The following IGSF5 variants were observed in gnomAD, a reference collection of about 807,000 sequenced individuals.
The protein encoded by IGSF5 is immunoglobulin superfamily 5 like.
IGSF5 carries 41 observed loss-of-function variants against 39.4 expected under a neutral mutation model. That is an observed-to-expected ratio of 1.04 (90% CI 0.81 to 1.35). The LOEUF is 1.35. IGSF5 is among the 40% of genes most tolerant of loss of function. The pLI, the probability that IGSF5 is intolerant of heterozygous loss-of-function variation, is 0.00. For missense variants in IGSF5, 487 were observed against 494.6 expected (o/e 0.98, Z 0.15); for synonymous variants, 183 against 175.3 (o/e 1.04, Z -0.34).
chr21:39,765,566 C>A lies in IGSF5; in HGVS notation c.132C>A (p.Gly44=), dbSNP rs1191159054. 1.2e-6 allele frequency: 2 copies of A among 1,613,890 alleles called. No homozygotes were observed. The highest frequency in any genetic ancestry group is 4.5e-5 in the East Asian group (2 of 44,864). The change falls in exon 3 of 9, where the codon GGC becomes GGA. Residue 44 remains glycine, a synonymous_variant. Transcript: ENST00000380588. ...GSGSGNEVIE[G]PQNARVLKGS... The stretch of plus-strand genomic sequence containing the variant: ...GGTCTGGTAATGAAGTCATAGAAGG[C>A]CCCCAAAATGCAAGAGTCCTGAAGG...
chr21:39,745,056 CTT>C (rs112817124), upstream of IGSF5, among the ~76,000 whole-genome samples: 18,327 of 149,440 alleles, frequency 0.12, 1,156 homozygotes, highest in Middle Eastern at 0.19. Context: ...ATAGGGCACA[CTT>C]TTTTTTTTTT....
chr21:39,744,180 G>A (rs541082872), upstream of IGSF5, among the ~76,000 whole-genome samples: 2 of 152,250 alleles, frequency 1.3e-5, no homozygotes, highest in South Asian at 2.1e-4. Context: ...AAAGAAAGGG[G>A]TCCGGGCTGC....
At position 39,802,010 on chromosome 21, in the gene IGSF5, C is replaced by T. The variant is rs1020211612; in HGVS notation, c.*653C>T. 2.0e-5 allele frequency: 3 copies of T among 152,160 alleles called. No individual in the cohort carries two copies. Among genetic ancestry groups the T allele is most frequent in the African/African-American group, 4.8e-5 (2 of 41,420 alleles). The allele number at this position is 152,160 out of a possible 1,614,324, so 9.4% of individuals were successfully genotyped here. On this transcript the variant is annotated 3_prime_UTR_variant, in exon 9 of 9. Transcript: ENST00000380588. ...ATGCTTTGCAGAGGATGGACCTCAC[C>T]TACTCCGCACACCGTGAAAAAACTG...
chr21:39,717,336 C>A, the IGSF5 span, among the ~76,000 whole-genome samples: 1 of 152,102 alleles, frequency 6.6e-6, no homozygotes, highest in Non-Finnish European at 1.5e-5. Context: ...TGCAGAAGGT[C>A]TTAAGTTTAA....
At chr21:39,796,984 C>G (rs751479183) in intron 8 of IGSF5, among the ~76,000 whole-genome samples, 4 of 152,208 alleles carry the variant, frequency 2.6e-5, no homozygotes, top group Non-Finnish European at 5.9e-5. Context: ...CACTCGCTCT[C>G]TGCTCATGCT....
At chr21:39,751,311 G>C (rs1243847910) in intron 2 of IGSF5, 1 of 152,216 alleles carries the variant, frequency 6.6e-6, no homozygotes, top group Non-Finnish European at 1.5e-5. Flanking sequence ...GCCCTCCAAA[G>C]GGTTTACCTG....
chr21:39,713,941 A>G, the IGSF5 span, among the ~76,000 whole-genome samples: 5 of 152,226 alleles, frequency 3.3e-5, no homozygotes, highest in African/African-American at 1.2e-4. Flanking sequence ...ATGTGTCCAC[A>G]TAGTGGACCA....
At chr21:39,761,290 C>G (rs1400345649) in intron 2 of IGSF5, among the ~76,000 whole-genome samples, 1 of 152,210 alleles carries the variant, frequency 6.6e-6, no homozygotes, top group Non-Finnish European at 1.5e-5. Context: ...AAACTTCAAA[C>G]TATGAAAATC....
chr21:39,746,833 C>A (rs2079977761), intron 2 of IGSF5, among the ~76,000 whole-genome samples: 1 of 152,198 alleles, frequency 6.6e-6, no homozygotes, highest in Non-Finnish European at 1.5e-5. Context: ...CCTACTATTA[C>A]AATTTCTAAC....
chr21:39,741,345 A>T (rs2079948090), upstream of IGSF5, among the ~76,000 whole-genome samples: 1 of 152,150 alleles, frequency 6.6e-6, no homozygotes, highest in South Asian at 2.1e-4. Context: ...GAACCCTCTT[A>T]GTTGCTTTAG....
At chr21:39,797,045 G>A (rs1482874515) in intron 8 of IGSF5, among the ~76,000 whole-genome samples, 1 of 152,168 alleles carries the variant, frequency 6.6e-6, no homozygotes, top group East Asian at 1.9e-4. Context: ...GCAATTTCAG[G>A]AGGACTTAAC....
the IGSF5 span, chr21:39,730,323 T>G: frequency 6.6e-6 from 1 of 152,162 alleles, no homozygotes; most frequent in African/African-American, 2.4e-5. Flanking sequence ...TTAGTCACAT[T>G]GGATTGGATT....
chr21:39,782,648 T>C (rs954240938), intron 5 of IGSF5, among the ~76,000 whole-genome samples: 2 of 152,224 alleles, frequency 1.3e-5, no homozygotes, highest in Admixed American at 1.3e-4. Context: ...TATTTTGATA[T>C]GTGTGTACAA....
At chr21:39,797,601 C>T (rs370458695) in intron 8 of IGSF5, among the ~76,000 whole-genome samples, 39 of 152,298 alleles carry the variant, frequency 2.6e-4, no homozygotes, top group African/African-American at 8.4e-4. Flanking sequence ...ACTGTAACCT[C>T]GTACTCCTGG....
chr21:39,774,782 G>A (rs1028539444), intron 4 of IGSF5, among the ~76,000 whole-genome samples: 3 of 152,212 alleles, frequency 2.0e-5, no homozygotes, highest in African/African-American at 7.2e-5. Flanking sequence ...GTGGAATGTA[G>A]TGATTCCTGG....
intron 1 of IGSF5, 64 bp from the exon 2 acceptor site, chr21:39,746,152 A>G (rs958973730): frequency 4.3e-6 from 3 of 700,654 alleles, no homozygotes; most frequent in Non-Finnish European, 5.2e-6. Context: ...GCACTTAGCC[A>G]TGCAGGAACA....
At chr21:39,789,295 A>G (rs2086946403) in intron 6 of IGSF5, among the ~76,000 whole-genome samples, 1 of 152,250 alleles carries the variant, frequency 6.6e-6, no homozygotes, top group African/African-American at 2.4e-5. Flanking sequence ...CAACAACTAT[A>G]GAATATGACA....
In IGSF5 at chr21:39,801,586, T is replaced by G; in HGVS notation, c.*229T>G. ...GGTTTCATGGTTTTTGTGAATTCCA[T>G]GAAGTTACTAAGTAAAAGCTGCAAA... On this transcript the variant is annotated 3_prime_UTR_variant, in exon 9 of 9. Coordinates refer to ENST00000380588, the MANE Select transcript of IGSF5 (RefSeq NM_001080444.2). 1 of 394,336 alleles carries G rather than the reference T, an allele frequency of 2.5e-6. No individual in the cohort carries two copies. The highest frequency in any genetic ancestry group is 4.5e-6 in the Non-Finnish European group (1 of 220,300). The allele number at this position is 394,336 out of a possible 1,614,324, so 24.4% of individuals were successfully genotyped here.
chr21:39,739,182 G>A, the IGSF5 span, among the ~76,000 whole-genome samples: 5 of 151,604 alleles, frequency 3.3e-5, no homozygotes, highest in East Asian at 1.9e-4. Context: ...CGCCCACTTC[G>A]ACCTCCCAAA....
Sources: gnomAD v4.1 joint callset for allele counts (sites outside exome capture counted in the v4.1 genomes callset) on GRCh38, gnomAD v4.1.1 for gene constraint, MANE v1.5 for transcripts, NCBI Gene and HGNC (gene_info 2026-07-23, HGNC 2026-07-21) for gene names.